Variants in RBM39 observed in about 807,000 individuals in gnomAD.
The protein encoded by RBM39 is RNA binding motif protein 39.
Under a neutral mutation model 79.6 loss-of-function variants are expected in RBM39, and 12 were observed. The ratio of observed to expected loss-of-function variants is 0.15; its 90% CI spans 0.10 to 0.24. The LOEUF (loss-of-function observed/expected upper bound fraction) is 0.24. RBM39 is among the 10% of genes least tolerant of loss of function. RBM39 has a pLI of 1.00. For synonymous variants in RBM39, 185 were observed against 208.4 expected, an observed-to-expected ratio of 0.89 and a Z score of 0.97; for missense variants, 243 against 653.4, an observed-to-expected ratio of 0.37 and a Z score of 6.85.
intron 10 of RBM39, 33 bp from the exon 11 acceptor site, chr20:35,714,422 G>A: frequency 6.4e-7 from 1 of 1,570,512 alleles, no homozygotes; most frequent in Non-Finnish European, 8.6e-7. Context: ...ACAGGAGACA[G>A]TGCTTTAATT....
chr20:35,712,459 A>AAGGG (rs1555890288), intron 12 of RBM39, among the ~76,000 whole-genome samples: 1 of 22,786 alleles, frequency 4.4e-5, no homozygotes, highest in African/African-American at 1.4e-4. Context: ...AAAAAAAAAA[A>AAGGG]GGGGGCGGGG....
chr20:35,730,296 T>C (rs762746410), intron 4 of RBM39, among the ~76,000 whole-genome samples: 1 of 152,210 alleles, frequency 6.6e-6, no homozygotes, highest in Non-Finnish European at 1.5e-5. Context: ...CAGGCTAACT[T>C]AAAGGGACTA....
At position 35,715,908 on chromosome 20, in the gene RBM39, C is replaced by A. The variant is rs1219015423; in HGVS notation, c.891+832G>T. On this transcript the variant is annotated intron_variant, in intron 10 of 16. Coordinates refer to ENST00000253363, the MANE Select transcript of RBM39 (RefSeq NM_184234.3). Reference sequence around the variant, plus strand: ...CCTCTCCCTCTCTCCAAGTGACACACCTGCTCCTCCAAGCAATAACAAGTA... The same window carrying A: ...CCTCTCCCTCTCTCCAAGTGACACAACTGCTCCTCCAAGCAATAACAAGTA... Among the ~76,000 whole-genome samples the A allele has an allele frequency of 2.0e-5, 3 of 152,218 alleles. No individual in the cohort carries two copies. The South Asian group carries it at 6.2e-4, about 32-fold the overall frequency.
intron 14 of RBM39, among the ~76,000 whole-genome samples, chr20:35,705,992 AG>A (rs1157550728): frequency 1.3e-5 from 2 of 152,182 alleles, no homozygotes; most frequent in African/African-American, 4.8e-5. Context: ...ACTTGAGGTC[AG>A]GAGTTCAAGA....
rs537736907 is a variant in RBM39 at position 35,733,240 on chromosome 20, T to C, written c.102-1105A>G. Among the ~76,000 whole-genome samples, 43 of 148,326 alleles carry C rather than the reference T, an allele frequency of 2.9e-4. 1 individual carries two copies. Among genetic ancestry groups the C allele is most frequent in the Admixed American group, 6.1e-4 (9 of 14,722 alleles). On this transcript the variant is annotated intron_variant, in intron 3 of 16. Transcript: ENST00000253363. ...ATTGCTTGAACCCGGGAGGTGGAGG[T>C]TGCAGCAAGCTGAGACCATGCCATT... is the stretch of plus-strand genomic sequence containing the variant.
chr20:35,721,685 T>C (rs1034125192), intron 9 of RBM39, 55 bp downstream of exon 9: 17 of 1,549,242 alleles, frequency 1.1e-5, no homozygotes, highest in African/African-American at 4.1e-5. Flanking sequence ...AGAAATTATG[T>C]AGTTATACTC....
chr20:35,706,686 C>T (rs900737042), intron 14 of RBM39, among the ~76,000 whole-genome samples: 5 of 151,916 alleles, frequency 3.3e-5, no homozygotes, highest in African/African-American at 1.2e-4. Flanking sequence ...CGCACCTGGC[C>T]GAAAAATTAT....
intron 12 of RBM39, among the ~76,000 whole-genome samples, chr20:35,709,776 C>T (rs1337573263): frequency 1.3e-5 from 2 of 152,146 alleles, no homozygotes; most frequent in Non-Finnish European, 2.9e-5. Flanking sequence ...TTGGGAAATA[C>T]ACCATTCCAA....
chr20:35,716,459 A>G (rs1320292346), intron 10 of RBM39, among the ~76,000 whole-genome samples: 1 of 152,210 alleles, frequency 6.6e-6, no homozygotes, highest in African/African-American at 2.4e-5. Context: ...CTACTATGCA[A>G]CTTGGATCAA....
chr20:35,741,702 C>T (rs920891896), intron 1 of RBM39: 1 of 152,108 alleles, frequency 6.6e-6, no homozygotes, highest in African/African-American at 2.4e-5. Context: ...CGCGGCCGGC[C>T]CAGGCCTCGA....
intron 3 of RBM39, 25 bp from the exon 4 acceptor site, chr20:35,732,160 A>G (rs1296670152): frequency 1.2e-6 from 2 of 1,610,900 alleles, no homozygotes; most frequent in Admixed American, 3.3e-5. Context: ...ACTCGCCATT[A>G]TCATGCTGGC....
At chr20:35,704,996 T>C in intron 15 of RBM39, 3 of 587,226 alleles carry the variant, frequency 5.1e-6, no homozygotes, top group Non-Finnish European at 3.0e-6. Flanking sequence ...CAAGATTTCA[T>C]GGCAAGCTTT....
intron 11 of RBM39, chr20:35,713,779 G>A (rs987646402): frequency 6.4e-6 from 1 of 156,468 alleles, no homozygotes; most frequent in Non-Finnish European, 1.4e-5. Context: ...GTGGGAGGAT[G>A]GCTTCAGCCA....
At chr20:35,731,640 T>C (rs1410716570) in intron 4 of RBM39, 3 of 366,264 alleles carry the variant, frequency 8.2e-6, no homozygotes, top group Non-Finnish European at 1.5e-5. Context: ...GGCACTACAA[T>C]GTCATCTTTT....
intron 3 of RBM39, chr20:35,734,673 T>A (rs1460229230): frequency 2.3e-5 from 12 of 518,980 alleles, no homozygotes; most frequent in Admixed American, 8.0e-5. Context: ...CTTCTAGGAC[T>A]TTTTGTAAAC....
chr20:35,732,179 C>T, intron 3 of RBM39, 44 bp from the exon 4 acceptor site: 1 of 1,562,826 alleles, frequency 6.4e-7, no homozygotes, highest in Non-Finnish European at 8.8e-7. Flanking sequence ...GCTTAAGAAC[C>T]CACCAAAATA....
intron 4 of RBM39, chr20:35,731,712 T>C: frequency 1.8e-6 from 1 of 550,166 alleles, no homozygotes; most frequent in Non-Finnish European, 3.2e-6. Context: ...GAAACTCTGA[T>C]AGTTTAACAG....
At chr20:35,713,687 A>AAC (rs2036752998) in intron 11 of RBM39, 1 of 149,604 alleles carries the variant, frequency 6.7e-6, no homozygotes, top group Non-Finnish European at 1.5e-5. Flanking sequence ...AAAAAAAAAA[A>AAC]AAAAAAAAAA....
chr20:35,728,510 G>C (rs2039009605), intron 6 of RBM39, among the ~76,000 whole-genome samples: 1 of 152,174 alleles, frequency 6.6e-6, no homozygotes, highest in Non-Finnish European at 1.5e-5. Context: ...TGGGAGTGGT[G>C]GCTCCTGCCT....
Sources: gnomAD v4.1 joint callset for allele counts (sites outside exome capture counted in the v4.1 genomes callset) on GRCh38, gnomAD v4.1.1 for gene constraint, MANE v1.5 for transcripts, NCBI Gene and HGNC (gene_info 2026-07-23, HGNC 2026-07-21) for gene names.